SCHIP1: variants seen among roughly 807,000 people sequenced by gnomAD.
SCHIP1 encodes the protein schwannomin-interacting protein 1.
SCHIP1 carries 8 observed loss-of-function variants against 29.7 expected under a neutral mutation model. That is an observed-to-expected ratio of 0.27 (90% CI 0.16 to 0.49). SCHIP1 has a LOEUF of 0.49. Among genes scored for constraint, SCHIP1 ranks in the 20% least tolerant of loss-of-function variants. The pLI, the probability that SCHIP1 is intolerant of heterozygous loss-of-function variation, is 0.99. For synonymous variants in SCHIP1, 76 were observed against 94.9 expected (o/e 0.80, Z 1.16); for missense variants, 193 against 294.6 (o/e 0.66, Z 2.52).
chr3:159,869,645 C>T (rs966758295), intron 2 of SCHIP1, among the ~76,000 whole-genome samples: 1 of 151,752 alleles, frequency 6.6e-6, no homozygotes, highest in Non-Finnish European at 1.5e-5. Context: ...CAGGAAAGTC[C>T]TTTTTGTTAT....
At chr3:159,467,003 T>C in the SCHIP1 span, among the ~76,000 whole-genome samples, 6 of 151,970 alleles carry the variant, frequency 3.9e-5, no homozygotes, top group East Asian at 1.2e-3. Flanking sequence ...ATAAGAAAAA[T>C]GAACATAACA....
chr3:159,712,894 G>A, the SCHIP1 span, among the ~76,000 whole-genome samples: 1 of 151,518 alleles, frequency 6.6e-6, no homozygotes, highest in Non-Finnish European at 1.5e-5. Context: ...AGGCACGGTG[G>A]CTCATGCCTG....
the SCHIP1 span, among the ~76,000 whole-genome samples, chr3:159,774,449 C>T: frequency 6.6e-6 from 1 of 152,170 alleles, no homozygotes; most frequent in Non-Finnish European, 1.5e-5. Flanking sequence ...AGCATGTTCT[C>T]CACTGATCCT....
the SCHIP1 span, among the ~76,000 whole-genome samples, chr3:159,626,187 G>T: frequency 5.6e-4 from 61 of 108,246 alleles, 1 homozygote; most frequent in African/African-American, 3.4e-3. Context: ...TATCTAGATA[G>T]ATAGATAGAT....
the SCHIP1 span, among the ~76,000 whole-genome samples, chr3:159,451,166 A>G: frequency 6.6e-6 from 1 of 152,216 alleles, no homozygotes; most frequent in African/African-American, 2.4e-5. Context: ...ATTCACTGTA[A>G]TAAGCTAAGA....
the SCHIP1 span, among the ~76,000 whole-genome samples, chr3:159,580,631 G>A: frequency 6.6e-6 from 1 of 152,166 alleles, no homozygotes; most frequent in Non-Finnish European, 1.5e-5. Context: ...GAAAAAAGAT[G>A]CCTGCTTTCA....
the SCHIP1 span, among the ~76,000 whole-genome samples, chr3:159,297,341 T>C: frequency 2.0e-5 from 3 of 152,260 alleles, no homozygotes; most frequent in African/African-American, 7.2e-5. Flanking sequence ...GGTCATATGA[T>C]AGTTCTATTT....
At chr3:159,321,449 T>G in the SCHIP1 span, among the ~76,000 whole-genome samples, 1 of 152,232 alleles carries the variant, frequency 6.6e-6, no homozygotes, top group Non-Finnish European at 1.5e-5. Context: ...TGCTTCTTTT[T>G]AATGAAGCAG....
At chr3:159,773,844 G>T in the SCHIP1 span, among the ~76,000 whole-genome samples, 77 of 152,288 alleles carry the variant, frequency 5.1e-4, no homozygotes, top group African/African-American at 1.6e-3. Context: ...GACAGATTTT[G>T]TTCTATCTAA....
At chr3:159,866,270 C>A in exon 2 of SCHIP1, 1 of 1,613,508 alleles carries the variant, frequency 6.2e-7, no homozygotes, top group Non-Finnish European at 8.5e-7. Context: ...GGAAGCCAAG[C>A]CTTTCCTCCC....
the SCHIP1 span, among the ~76,000 whole-genome samples, chr3:159,740,279 C>T: frequency 2.4e-4 from 36 of 152,324 alleles, no homozygotes; most frequent in African/African-American, 7.9e-4. Context: ...GAGCTGGCTG[C>T]AGGCCATACC....
chr3:159,876,989 G>A (rs906897571), intron 2 of SCHIP1, among the ~76,000 whole-genome samples: 4 of 152,202 alleles, frequency 2.6e-5, no homozygotes, highest in Non-Finnish European at 4.4e-5. Context: ...TACCTGGTTT[G>A]TGGGCTGATA....
chr3:159,355,993 C>T, the SCHIP1 span, among the ~76,000 whole-genome samples: 1 of 151,026 alleles, frequency 6.6e-6, no homozygotes, highest in Non-Finnish European at 1.5e-5. Flanking sequence ...GGGTATATAC[C>T]CAGTAATGGG....
chr3:159,596,418 A>G, the SCHIP1 span, among the ~76,000 whole-genome samples: 1 of 152,174 alleles, frequency 6.6e-6, no homozygotes, highest in South Asian at 2.1e-4. Flanking sequence ...AGAACTAGAA[A>G]TACCCTTTGA....
chr3:159,541,362 A>G, the SCHIP1 span, among the ~76,000 whole-genome samples: 2 of 152,110 alleles, frequency 1.3e-5, no homozygotes, highest in Admixed American at 1.3e-4. Context: ...GTTTTTAAAA[A>G]GGGAGCTTTT....
chr3:159,840,072 G>GC, exon 1 of SCHIP1: 1 of 1,516,478 alleles, frequency 6.6e-7, no homozygotes, highest in African/African-American at 1.4e-5. Context: ...TCTGCGGGGA[G>GC]CCCCTGCCTT....
chr3:159,553,454 A>G, the SCHIP1 span, among the ~76,000 whole-genome samples: 1,733 of 152,294 alleles, frequency 0.011, 35 homozygotes, highest in African/African-American at 0.039. Context: ...TATGGCCTTT[A>G]TTGATAGTTT....
chr3:159,757,411 G>C, the SCHIP1 span, among the ~76,000 whole-genome samples: 727 of 152,264 alleles, frequency 4.8e-3, 11 homozygotes, highest in Admixed American at 0.023. Flanking sequence ...CTGCCCCCAT[G>C]ATTCAATCAT....
At chr3:159,350,395 A>G in the SCHIP1 span, among the ~76,000 whole-genome samples, 1 of 152,182 alleles carries the variant, frequency 6.6e-6, no homozygotes, top group East Asian at 1.9e-4. Context: ...AAGAGATTGT[A>G]TAGTAAAAAA....
Sources: allele counts gnomAD v4.1 joint callset (sites outside exome capture counted in the v4.1 genomes callset), GRCh38; gene constraint gnomAD v4.1.1; transcripts MANE v1.5; gene names NCBI Gene and HGNC (gene_info 2026-07-23, HGNC 2026-07-21).